Variants in PAM observed in about 807,000 individuals in gnomAD.
The protein encoded by PAM is peptidylglycine alpha-amidating monooxygenase, also known as peptidyl-glycine alpha-amidating monooxygenase.
In PAM, 72 loss-of-function variants were observed where a neutral mutation model predicts 122.1. The observed-to-expected ratio is 0.59, with a 90% CI of 0.49 to 0.72. The LOEUF is 0.72. PAM is among the 30% of genes least tolerant of loss of function. The pLI, the probability that PAM is intolerant of heterozygous loss-of-function variation, is 0.00. For synonymous variants in PAM, 389 were observed against 404.4 expected (o/e 0.96, Z 0.46); for missense variants, 1,106 against 1,183.7 (o/e 0.93, Z 0.96).
intron 3 of PAM, among the ~76,000 whole-genome samples, chr5:102,893,718 G>A (rs191682986): frequency 6.6e-6 from 1 of 151,830 alleles, no homozygotes; most frequent in East Asian, 1.9e-4. Flanking sequence ...CTAAGTTTGT[G>A]TTGGTATCAC....
chr5:103,022,095 C>T (rs914582921), intron 23 of PAM, among the ~76,000 whole-genome samples: 6 of 150,496 alleles, frequency 4.0e-5, no homozygotes, highest in Non-Finnish European at 5.9e-5. Context: ...ATAGCTCTCA[C>T]CCCCAAGCCC....
intron 1 of PAM, among the ~76,000 whole-genome samples, chr5:102,844,421 T>C (rs1249051449): frequency 6.6e-6 from 1 of 152,130 alleles, no homozygotes; most frequent in Non-Finnish European, 1.5e-5. Flanking sequence ...TTCCAGCCAT[T>C]TGAGAGGCCG....
intron 1 of PAM, among the ~76,000 whole-genome samples, chr5:102,821,680 G>A (rs1771965054): frequency 6.6e-6 from 1 of 152,084 alleles, no homozygotes; most frequent in Non-Finnish European, 1.5e-5. Context: ...AGAAAGTACT[G>A]TTATAATTAC....
intron 1 of PAM, among the ~76,000 whole-genome samples, chr5:102,804,737 G>C (rs1007375554): frequency 1.3e-5 from 2 of 152,120 alleles, no homozygotes; most frequent in African/African-American, 4.8e-5. Context: ...CAGGATTAGG[G>C]GTGTTTTGCC....
intron 3 of PAM, among the ~76,000 whole-genome samples, chr5:102,875,492 C>G (rs1223567756): frequency 6.6e-6 from 1 of 152,162 alleles, no homozygotes. Flanking sequence ...CTGTGCCCAG[C>G]CCATCCTAAA....
At chr5:102,803,803 A>G (rs1383286095) in intron 1 of PAM, among the ~76,000 whole-genome samples, 2 of 152,178 alleles carry the variant, frequency 1.3e-5, no homozygotes, top group African/African-American at 2.4e-5. Flanking sequence ...GCACGGTGCT[A>G]TGTATAGAAT....
At chr5:103,026,683 A>C (rs920355807) in intron 24 of PAM, among the ~76,000 whole-genome samples, 1 of 152,182 alleles carries the variant, frequency 6.6e-6, no homozygotes, top group African/African-American at 2.4e-5. Context: ...TTCTGATACT[A>C]GTGGTTTAAT....
At chr5:102,975,768 G>C (rs1292230357) in intron 15 of PAM, among the ~76,000 whole-genome samples, 2 of 152,170 alleles carry the variant, frequency 1.3e-5, no homozygotes, top group African/African-American at 4.8e-5. Flanking sequence ...AAATATAAAA[G>C]GGAAAAGAGC....
chr5:102,829,659 C>G (rs968974710), intron 1 of PAM, among the ~76,000 whole-genome samples: 8 of 152,166 alleles, frequency 5.3e-5, no homozygotes, highest in African/African-American at 1.9e-4. Context: ...CAGGCGTGAG[C>G]CACTGCGCCT....
chr5:102,950,744 G>A lies in PAM; in HGVS notation c.829G>A (p.Asp277Asn), dbSNP rs745506725. 2.5e-6 allele frequency: 4 copies of A among 1,610,990 alleles called. No homozygotes were observed. The Admixed American group carries it at 5.0e-5, about 20-fold the overall frequency. Residue 277 changes from aspartate to asparagine, a missense_variant, in exon 12 of 26, where the codon GAT becomes AAT. Around this residue, in one of 3 missense-constraint regions of PAM, gnomAD observed 670 missense variants for 690.3 expected, o/e 0.97. Transcript: ENST00000438793. ...QAFYPVGHPV[D>N]VSFGDLLAAR... The stretch of plus-strand genomic sequence containing the variant: ...TTTCTACCCTGTGGGGCATCCAGTT[G>A]ATGTAAGTTTTGGTGACCTACTGGC...
At chr5:102,805,765 A>G (rs563337719) in intron 1 of PAM, among the ~76,000 whole-genome samples, 130 of 152,340 alleles carry the variant, frequency 8.5e-4, no homozygotes, top group Non-Finnish European at 1.5e-3. Context: ...GAAATAGAAC[A>G]CTAACTAGTA....
chr5:102,819,724 CT>C (rs1444373245), intron 1 of PAM, among the ~76,000 whole-genome samples: 1 of 152,134 alleles, frequency 6.6e-6, no homozygotes, highest in African/African-American at 2.4e-5. Flanking sequence ...ATAGGGATTT[CT>C]CCTTTCATTT....
intron 7 of PAM, among the ~76,000 whole-genome samples, chr5:102,931,963 A>T (rs891988659): frequency 6.6e-6 from 1 of 152,096 alleles, no homozygotes; most frequent in African/African-American, 2.4e-5. Flanking sequence ...TAATATTTAC[A>T]TTCTAAATTA....
intron 1 of PAM, among the ~76,000 whole-genome samples, chr5:102,767,194 A>G (rs115633548): frequency 0.012 from 1,856 of 152,024 alleles, 36 homozygotes; most frequent in African/African-American, 0.042. Flanking sequence ...TTTCTTTAAT[A>G]TTATATACAT....
chr5:102,881,788 A>G (rs1279815485), intron 3 of PAM, among the ~76,000 whole-genome samples: 1 of 150,642 alleles, frequency 6.6e-6, no homozygotes. Flanking sequence ...ACCTGCATCT[A>G]TCACCTGACC....
chr5:102,946,768 T>A (rs3776873), intron 7 of PAM, 69 bp from the exon 8 acceptor site: 272,481 of 889,198 alleles, frequency 0.31, 43,372 homozygotes, highest in East Asian at 0.43. Flanking sequence ...ATCATTTCTA[T>A]CTTACTAGTT....
chr5:102,963,336 T>G (rs1763073051), intron 14 of PAM, among the ~76,000 whole-genome samples: 1 of 151,990 alleles, frequency 6.6e-6, no homozygotes. Context: ...TTCATTCTTC[T>G]TAGAGATATT....
At chr5:102,803,409 C>T (rs983283667) in intron 1 of PAM, among the ~76,000 whole-genome samples, 3 of 151,946 alleles carry the variant, frequency 2.0e-5, no homozygotes, top group Non-Finnish European at 4.4e-5. Context: ...GTAATGATGC[C>T]ATAGGACATA....
intron 1 of PAM, among the ~76,000 whole-genome samples, chr5:102,833,180 A>G (rs258240): frequency 0.68 from 103,430 of 151,934 alleles, 35,458 homozygotes; most frequent in South Asian, 0.82. Context: ...AATTTTGTGC[A>G]CATCATATCT....
Sources: allele counts gnomAD v4.1 joint callset (sites outside exome capture counted in the v4.1 genomes callset), GRCh38; gene constraint gnomAD v4.1.1; regional missense constraint gnomAD v4.1.1; transcripts MANE v1.5; gene names NCBI Gene and HGNC (gene_info 2026-07-23, HGNC 2026-07-21).